The following WRN variants were observed in gnomAD, a reference collection of about 807,000 sequenced individuals.
The protein encoded by WRN is bifunctional 3'-5' exonuclease/ATP-dependent helicase WRN.
A neutral mutation model predicts 180.7 loss-of-function variants in WRN; 149 were observed. The observed-to-expected ratio is 0.82, with a 90% CI of 0.72 to 0.94. The LOEUF (loss-of-function observed/expected upper bound fraction) is 0.94. Ranked by LOEUF, WRN falls within the 40% of genes least tolerant of loss-of-function variation. WRN has a pLI of 0.00. For synonymous variants in WRN, 548 were observed against 568.9 expected (o/e 0.96, Z 0.52); for missense variants, 1,661 against 1,700.1 (o/e 0.98, Z 0.40).
chr8:31,120,560 A>T (rs1801687728), intron 21 of WRN, 136 bp downstream of exon 21: 3 of 916,416 alleles, frequency 3.3e-6, no homozygotes, highest in African/African-American at 3.4e-5. Context: ...AAAAAAAGAA[A>T]AATAAAACCT....
At chr8:31,063,510 A>G (rs1379809884) in intron 3 of WRN, among the ~76,000 whole-genome samples, 1 of 152,220 alleles carries the variant, frequency 6.6e-6, no homozygotes, top group African/African-American at 2.4e-5. Flanking sequence ...TGCACCTTCA[A>G]CTAGATATTG....
At chr8:31,047,947 C>T (rs1222254246) in intron 1 of WRN, among the ~76,000 whole-genome samples, 1 of 152,220 alleles carries the variant, frequency 6.6e-6, no homozygotes, top group African/African-American at 2.4e-5. Flanking sequence ...TGTGGCTTCT[C>T]ACTATGACAC....
intron 33 of WRN, among the ~76,000 whole-genome samples, chr8:31,160,323 T>C (rs979122146): frequency 6.6e-6 from 1 of 152,200 alleles, no homozygotes; most frequent in African/African-American, 2.4e-5. Flanking sequence ...ACCTGGTTAA[T>C]ACCATTTGCT....
rs143088402 is a variant in WRN, at chr8:31,068,279, A to C, written c.676A>C (p.Asn226His). 3 of 1,608,410 alleles carry C rather than the reference A, an allele frequency of 1.9e-6. No individual in the cohort carries two copies. Among genetic ancestry groups the C allele is most frequent in the Non-Finnish European group, 2.6e-6 (3 of 1,176,204 alleles). The change falls in exon 7 of 35, where the codon AAT becomes CAT. Residue 226 changes from asparagine (N) to histidine (H), a missense_variant. Coordinates refer to ENST00000298139, the MANE Select transcript of WRN (RefSeq NM_000553.6). ...ATAGGCTGGTTTTATTATTTACCGAAATTTAGAGATTTTGGATGATACTGT... is the reference window on the plus strand; with the variant it reads ...ATAGGCTGGTTTTATTATTTACCGACATTTAGAGATTTTGGATGATACTGT... Reference protein sequence around the residue: ...DAYAGFIIYRNLEILDDTVQR... With the variant: ...DAYAGFIIYRHLEILDDTVQR...
At chr8:31,096,131 A>C (rs1487618115) in intron 16 of WRN, among the ~76,000 whole-genome samples, 4 of 152,246 alleles carry the variant, frequency 2.6e-5, no homozygotes, top group Non-Finnish European at 5.9e-5. Context: ...AATTTCATAA[A>C]GGTAAAGGCA....
chr8:31,096,913 G>T, intron 17 of WRN, 63 bp downstream of exon 17: 2 of 1,413,104 alleles, frequency 1.4e-6, no homozygotes, highest in East Asian at 2.3e-5. Flanking sequence ...TTAAACCTAT[G>T]GATGGACACT....
At chr8:31,125,095 A>C (rs1250415011) in intron 23 of WRN, 95 bp downstream of exon 23, 2 of 1,208,314 alleles carry the variant, frequency 1.7e-6, no homozygotes, top group Non-Finnish European at 2.4e-6. Flanking sequence ...TAAGTATTTC[A>C]GTTTTTTAAA....
At chr8:31,070,875 T>C (rs1812888479) in intron 7 of WRN, among the ~76,000 whole-genome samples, 1 of 151,964 alleles carries the variant, frequency 6.6e-6, no homozygotes, top group Admixed American at 6.6e-5. Flanking sequence ...TGAAACACCA[T>C]CTCTACTAAA....
chr8:31,094,150 T>C (rs1813865101), intron 16 of WRN, among the ~76,000 whole-genome samples: 1 of 152,184 alleles, frequency 6.6e-6, no homozygotes, highest in African/African-American at 2.4e-5. Context: ...GCATATATGT[T>C]TAACTTTCTT....
intron 20 of WRN, among the ~76,000 whole-genome samples, chr8:31,117,924 G>A (rs1801581288): frequency 6.6e-6 from 1 of 152,010 alleles, no homozygotes; most frequent in Non-Finnish European, 1.5e-5. Flanking sequence ...TGTTATTTCA[G>A]TGTCTTGAAT....
At chr8:31,069,806 T>C (rs1489801735) in intron 7 of WRN, among the ~76,000 whole-genome samples, 5 of 152,174 alleles carry the variant, frequency 3.3e-5, no homozygotes, top group Non-Finnish European at 5.9e-5. Context: ...AGAACTTACT[T>C]AACTCATAAT....
At chr8:31,109,881 C>T (rs1021466928) in intron 18 of WRN, among the ~76,000 whole-genome samples, 3 of 152,066 alleles carry the variant, frequency 2.0e-5, no homozygotes, top group Non-Finnish European at 4.4e-5. Flanking sequence ...ATTCTTTTGC[C>T]TGGTTTTTCT....
chr8:31,171,866 T>C (rs1162476783), intron 34 of WRN, among the ~76,000 whole-genome samples: 1 of 152,170 alleles, frequency 6.6e-6, no homozygotes, highest in Non-Finnish European at 1.5e-5. Flanking sequence ...GAATAAATGG[T>C]ATTTTTGTAT....
intron 11 of WRN, among the ~76,000 whole-genome samples, chr8:31,086,543 A>T (rs1309317490): frequency 6.6e-6 from 1 of 151,876 alleles, no homozygotes; most frequent in Non-Finnish European, 1.5e-5. Flanking sequence ...ATGCCACTGC[A>T]CTCTAGCCTG....
intron 31 of WRN, among the ~76,000 whole-genome samples, chr8:31,150,967 G>A (rs1257657193): frequency 1.3e-5 from 2 of 152,090 alleles, no homozygotes; most frequent in Non-Finnish European, 2.9e-5. Context: ...TGCCCTAAGT[G>A]ACCATTTCCA....
In WRN at chr8:31,132,406, C is replaced by T. The variant is rs1223775311; in HGVS notation, c.2867C>T (p.Ser956Phe). The change falls in exon 24 of 35, where the codon TCC (serine) becomes TTC (phenylalanine). Residue 956 changes from serine to phenylalanine, a missense_variant. Physicochemically the swap from Ser to Phe is radical, Grantham distance 155 (BLOSUM62 -2). Transcript: ENST00000298139. ...CYSMDDSEDT[S>F]WDFGPQAFKL... ...TCCATGGATGACTCAGAGGATACATCCTGGGACTTTGGTCCACAAGCATTT... is the reference window on the plus strand; with the variant it reads ...TCCATGGATGACTCAGAGGATACATTCTGGGACTTTGGTCCACAAGCATTT... 6.2e-7 allele frequency: 1 copy of T among 1,614,058 alleles called. No homozygotes were observed. The highest frequency in any genetic ancestry group is 1.1e-5 in the South Asian group (1 of 91,076).
Position 31,141,707 on chromosome 8 carries a change from T to C in WRN, c.3165T>C (p.Asn1055=). 6.2e-7 allele frequency: 1 copy of C among 1,614,218 alleles called. No homozygotes were observed. The highest frequency in any genetic ancestry group is 1.1e-5 in the South Asian group (1 of 91,084). Residue 1055 remains asparagine, a synonymous_variant, in exon 26 of 35, where the codon AAT becomes AAC. Coordinates refer to ENST00000298139, the MANE Select transcript of WRN (RefSeq NM_000553.6). ...GTAGAAATTGGCTTCATAAAGCTAA[T>C]ACAGAATCTCAGAGCCTCATCCTTC... ...KKGRNWLHKA[N]TESQSLILQA... is the part of the protein sequence containing the mutation.
At chr8:31,124,001 C>G (rs1297893057) in intron 21 of WRN, among the ~76,000 whole-genome samples, 1 of 151,996 alleles carries the variant, frequency 6.6e-6, no homozygotes, top group Non-Finnish European at 1.5e-5. Flanking sequence ...CATAATAACC[C>G]ATAATACTAA....
In WRN at chr8:31,059,282, T is replaced by A; in HGVS notation, c.209+17T>A. On this transcript the variant is annotated intron_variant, in intron 3 of 34. Transcript: ENST00000298139. Reference sequence around the variant, plus strand: ...AGATATTAGGTAAGTGATTTGAATTTCCTGATTTTATTTGAATTTGGACCC... The same window carrying A: ...AGATATTAGGTAAGTGATTTGAATTACCTGATTTTATTTGAATTTGGACCC... The A allele has an allele frequency of 1.9e-6, 3 of 1,597,218 alleles. No homozygotes were observed. The highest frequency in any genetic ancestry group is 1.7e-6 in the Non-Finnish European group (2 of 1,164,918).
Sources: allele counts gnomAD v4.1 joint callset (sites outside exome capture counted in the v4.1 genomes callset), GRCh38; gene constraint gnomAD v4.1.1; transcripts MANE v1.5; gene names NCBI Gene and HGNC (gene_info 2026-07-23, HGNC 2026-07-21).